DDX10: variants seen among roughly 807,000 people sequenced by gnomAD.
DDX10 encodes the protein probable ATP-dependent RNA helicase DDX10.
Under a neutral mutation model 104.3 loss-of-function variants are expected in DDX10, and 74 were observed. The ratio of observed to expected loss-of-function variants is 0.71; its 90% CI spans 0.59 to 0.86. The LOEUF (loss-of-function observed/expected upper bound fraction) is 0.86, where lower values mean the gene tolerates loss of function less well. DDX10 is among the 40% of genes least tolerant of loss of function. The probability of loss-of-function intolerance (pLI) is 0.00; values close to 1 mark genes in which losing one functional copy is unlikely to be tolerated. For synonymous variants in DDX10, 351 were observed against 353.4 expected, an observed-to-expected ratio of 0.99 and a Z score of 0.08; for missense variants, 952 against 1,040.0, an observed-to-expected ratio of 0.92 and a Z score of 1.16.
intron 13 of DDX10, among the ~76,000 whole-genome samples, chr11:108,774,954 C>T (rs1366068093): frequency 6.6e-6 from 1 of 152,168 alleles, no homozygotes; most frequent in East Asian, 1.9e-4. Context: ...GGGTGGCCGG[C>T]AGCATATTGA....
chr11:108,684,031 C>A (rs1175346127), intron 6 of DDX10, among the ~76,000 whole-genome samples: 1 of 151,538 alleles, frequency 6.6e-6, no homozygotes, highest in Non-Finnish European at 1.5e-5. Context: ...TCATCCCAAA[C>A]TTCGCTAGTA....
intron 12 of DDX10, among the ~76,000 whole-genome samples, chr11:108,720,251 C>T (rs1226227376): frequency 3.3e-5 from 5 of 152,160 alleles, no homozygotes; most frequent in Non-Finnish European, 1.5e-5. Context: ...AGTATAAATT[C>T]CTTAAAGTGA....
intron 15 of DDX10, among the ~76,000 whole-genome samples, chr11:108,845,112 G>T (rs1183348517): frequency 6.6e-6 from 1 of 152,124 alleles, no homozygotes; most frequent in Non-Finnish European, 1.5e-5. Context: ...GGAGGCTGAG[G>T]CAGGAGAATG....
chr11:108,734,714 CA>C (rs2094316328), intron 13 of DDX10, among the ~76,000 whole-genome samples: 1 of 151,938 alleles, frequency 6.6e-6, no homozygotes. Context: ...GCTACTTTTA[CA>C]GGCCGTATTT....
intron 16 of DDX10, among the ~76,000 whole-genome samples, chr11:108,907,286 G>C (rs1259882594): frequency 6.6e-6 from 1 of 150,630 alleles, no homozygotes; most frequent in African/African-American, 2.4e-5. Flanking sequence ...TTACCTGTTT[G>C]TTCCTTGATA....
At position 108,790,384 on chromosome 11, in the gene DDX10, T is replaced by C. The variant is rs189513697; in HGVS notation, c.1966-48062T>C. ...AAGCAGAGGTATTAAAGCATACTTT[T>C]CAGTCATTTTATGTGCAGATAAATA... On this transcript the variant is annotated intron_variant, in intron 13 of 17. Transcript: ENST00000322536. Among the ~76,000 whole-genome samples the C allele has an allele frequency of 3.6e-3, 547 of 152,318 alleles. 5 individuals carry two copies. Among genetic ancestry groups the C allele is most frequent in the Non-Finnish European group, 5.2e-3 (357 of 68,016 alleles).
intron 16 of DDX10, among the ~76,000 whole-genome samples, chr11:108,878,296 G>A (rs1020554214): frequency 6.6e-6 from 1 of 152,210 alleles, no homozygotes; most frequent in Admixed American, 6.5e-5. Context: ...ATGCACTGAA[G>A]TATCCTCTTG....
chr11:108,879,251 C>T (rs558680891), intron 16 of DDX10, among the ~76,000 whole-genome samples: 9 of 152,210 alleles, frequency 5.9e-5, no homozygotes, highest in Admixed American at 3.3e-4. Context: ...CTGCCTGCCT[C>T]GGCCTCCCAA....
intron 13 of DDX10, among the ~76,000 whole-genome samples, chr11:108,820,185 C>T (rs1446076089): frequency 1.3e-5 from 2 of 152,142 alleles, no homozygotes; most frequent in South Asian, 2.1e-4. Flanking sequence ...AAACATCTAG[C>T]GTGGTGTTTG....
In DDX10 at chr11:108,802,589, CT is replaced by C. The variant is rs535350059; in HGVS notation, c.1966-35856del. 8.6e-4 allele frequency among the ~76,000 whole-genome samples: 131 copies of C among 152,210 alleles called. 1 individual carries two copies. The highest frequency in any genetic ancestry group is 3.1e-3 in the African/African-American group (128 of 41,534). On this transcript the variant is annotated intron_variant, in intron 13 of 17. Transcript: ENST00000322536. ...GTTCTATCATGTTTACAATAAGTTG[CT>C]GTTCTTTTGTAATTTTCTGAAACTT... is the stretch of plus-strand genomic sequence containing the variant.
In DDX10 at chr11:108,703,318, A is replaced by G. The variant is rs145329869; in HGVS notation, c.1224-3421A>G. ...GTTTTGAAAACAAATCTGTCTAAAT[A>G]TAGAATTTTAAAGTGTAGATCTTTT... is the stretch of plus-strand genomic sequence containing the variant. On this transcript the variant is annotated intron_variant, in intron 9 of 17. Transcript: ENST00000322536. 1.1e-3 allele frequency among the ~76,000 whole-genome samples: 170 copies of G among 151,732 alleles called. 2 individuals are homozygous for G. The highest frequency in any genetic ancestry group is 6.8e-3 in the East Asian group (35 of 5,114).
intron 13 of DDX10, among the ~76,000 whole-genome samples, chr11:108,737,872 T>C (rs553425420): frequency 9.2e-5 from 14 of 152,286 alleles, no homozygotes; most frequent in African/African-American, 3.1e-4. Flanking sequence ...ATTATATCTT[T>C]GGGTGATAAC....
At chr11:108,745,037 T>TCTTTCCC (rs1304245560) in intron 13 of DDX10, among the ~76,000 whole-genome samples, 89 of 54,932 alleles carry the variant, frequency 1.6e-3, no homozygotes, top group South Asian at 5.8e-3. Flanking sequence ...AATTACTTTT[T>TCTTTCCC]CCTTCCCCCT....
At chr11:108,928,220 T>G (rs769638970) in intron 17 of DDX10, among the ~76,000 whole-genome samples, 3 of 152,142 alleles carry the variant, frequency 2.0e-5, no homozygotes, top group African/African-American at 7.2e-5. Context: ...AATTAAAAAT[T>G]CAAGTGGAAT....
intron 10 of DDX10, among the ~76,000 whole-genome samples, chr11:108,715,537 A>G (rs549720223): frequency 6.6e-6 from 1 of 152,152 alleles, no homozygotes; most frequent in South Asian, 2.1e-4. Context: ...AAAAAATTAG[A>G]TTTAATTTAT....
intron 15 of DDX10, 66 bp downstream of exon 15, chr11:108,841,542 A>G: frequency 2.2e-6 from 3 of 1,356,192 alleles, no homozygotes; most frequent in East Asian, 2.4e-5. Context: ...CTAAATATTC[A>G]TTAGCTATTC....
chr11:108,676,682 A>G (rs185614259), intron 3 of DDX10, among the ~76,000 whole-genome samples: 1 of 152,176 alleles, frequency 6.6e-6, no homozygotes, highest in Admixed American at 6.5e-5. Flanking sequence ...CCTGACCTCA[A>G]GTGATGCACC....
intron 1 of DDX10, among the ~76,000 whole-genome samples, chr11:108,670,772 C>T (rs1236350604): frequency 6.6e-6 from 1 of 151,986 alleles, no homozygotes; most frequent in Non-Finnish European, 1.5e-5. Context: ...ATCAGCTGTA[C>T]TGCATAGAAA....
chr11:108,792,431 T>C (rs1861884059), intron 13 of DDX10, among the ~76,000 whole-genome samples: 1 of 152,242 alleles, frequency 6.6e-6, no homozygotes. Flanking sequence ...ATTTTAAGTT[T>C]GTATATGGCA....
Sources: allele counts gnomAD v4.1 joint callset (sites outside exome capture counted in the v4.1 genomes callset), GRCh38; gene constraint gnomAD v4.1.1; transcripts MANE v1.5; gene names NCBI Gene and HGNC (gene_info 2026-07-23, HGNC 2026-07-21).